FKBP1A: variants seen among roughly 807,000 people sequenced by gnomAD.
FKBP1A encodes the protein peptidyl-prolyl cis-trans isomerase FKBP1A.
Under a neutral mutation model 14.2 loss-of-function variants are expected in FKBP1A, and 5 were observed. The observed-to-expected ratio is 0.35, with a 90% CI of 0.18 to 0.74. The LOEUF is 0.74. Ranked by LOEUF, FKBP1A falls within the 30% of genes least tolerant of loss-of-function variation. The pLI, the probability that FKBP1A is intolerant of heterozygous loss-of-function variation, is 0.56. For synonymous variants in FKBP1A, 42 were observed against 49.1 expected (o/e 0.86, Z 0.60); for missense variants, 53 against 138.8 (o/e 0.38, Z 3.10).
chr20:1,391,507 A>T (rs2089735971), intron 2 of FKBP1A: 1 of 394,134 alleles, frequency 2.5e-6, no homozygotes, highest in African/African-American at 2.1e-5. Flanking sequence ...AGAATTTTTA[A>T]AGTTCTAGTC....
chr20:1,387,844 TA>T (rs1335033342), intron 2 of FKBP1A, among the ~76,000 whole-genome samples: 1 of 152,014 alleles, frequency 6.6e-6, no homozygotes, highest in Non-Finnish European at 1.5e-5. Flanking sequence ...TCTCAAAAAA[TA>T]AAAATAAAAT....
chr20:1,370,527 G>A, intron 4 of FKBP1A: 3 of 984,096 alleles, frequency 3.0e-6, no homozygotes, highest in Non-Finnish European at 3.6e-6. Context: ...ACTCTCATGT[G>A]CAGTCCAGAC....
chr20:1,377,206 T>C (rs1257095564), intron 2 of FKBP1A: 1 of 152,150 alleles, frequency 6.6e-6, no homozygotes, highest in Non-Finnish European at 1.5e-5. Context: ...GTGTCAACAT[T>C]TGTAAGTAGG....
rs991990932 is a variant in FKBP1A, at chr20:1,369,497, A to G, written c.*612T>C. 7.5e-5 allele frequency: 1 copy of G among 13,250 alleles called. No individual in the cohort carries two copies. Among genetic ancestry groups the G allele is most frequent in the Non-Finnish European group, 5.0e-4 (1 of 1,994 alleles). 0.8% of individuals were successfully genotyped at this position (13,250 alleles called of 1,614,324 possible). A position where few individuals can be genotyped will look rare whatever the true frequency, so the allele number is the denominator to read the frequency against. On this transcript the variant is annotated 3_prime_UTR_variant, in exon 5 of 5. Transcript: ENST00000400137. The stretch of plus-strand genomic sequence containing the variant: ...TCTACTTTCAAAGGCAGAGGGTTTA[A>G]GGGGAGGGTGGGTGGGAATGGTGGA...
intron 4 of FKBP1A, 47 bp from the exon 5 acceptor site, chr20:1,370,119 T>G: frequency 6.5e-7 from 1 of 1,538,996 alleles, no homozygotes. Context: ...TCAGTGTTCT[T>G]TGTGTGCAGT....
chr20:1,380,022 C>T (rs935636431), intron 2 of FKBP1A, among the ~76,000 whole-genome samples: 3 of 152,096 alleles, frequency 2.0e-5, no homozygotes, highest in Non-Finnish European at 4.4e-5. Flanking sequence ...TTTCTGGTCA[C>T]GGTGGAGGAC....
chr20:1,372,844 A>G (rs2089487021), intron 3 of FKBP1A, among the ~76,000 whole-genome samples: 2 of 152,270 alleles, frequency 1.3e-5, no homozygotes, highest in South Asian at 2.1e-4. Flanking sequence ...TTGGAAGGAC[A>G]TACCAGACAT....
intron 2 of FKBP1A, among the ~76,000 whole-genome samples, chr20:1,387,284 T>C (rs1407754990): frequency 2.0e-5 from 3 of 152,062 alleles, no homozygotes; most frequent in East Asian, 1.9e-4. Context: ...TGGCTGATAA[T>C]TGGACCAGAG....
chr20:1,384,066 G>A (rs756726918), intron 2 of FKBP1A, among the ~76,000 whole-genome samples: 64 of 152,106 alleles, frequency 4.2e-4, no homozygotes, highest in Non-Finnish European at 5.9e-4. Context: ...CACAGCCTTC[G>A]TACCCCAGCA....
At chr20:1,375,332 TAAC>T in intron 3 of FKBP1A, 156 bp downstream of exon 3, 2 of 625,750 alleles carry the variant, frequency 3.2e-6, no homozygotes, top group South Asian at 2.0e-5. Flanking sequence ...CAAGAAACAT[TAAC>T]AACAGGAGCT....
chr20:1,384,666 A>G (rs901514865), intron 2 of FKBP1A, among the ~76,000 whole-genome samples: 1 of 152,176 alleles, frequency 6.6e-6, no homozygotes, highest in Admixed American at 6.5e-5. Context: ...ATACAAATTC[A>G]AATCTTACAT....
chr20:1,369,950 C>T lies in FKBP1A; in HGVS notation c.*159G>A, dbSNP rs2089440284. On this transcript the variant is annotated 3_prime_UTR_variant, in exon 5 of 5. Transcript: ENST00000400137. The stretch of plus-strand genomic sequence containing the variant: ...GGAAACAGAGGTGTCGGAAGCAAAG[C>T]TGAGTGACAGAACACATTCAGTCAG... 5.4e-6 allele frequency: 8 copies of T among 1,467,954 alleles called. No homozygotes were observed. In the South Asian group the frequency reaches 6.5e-5, roughly 12 times the overall value. The allele number at this position is 1,467,954 out of a possible 1,614,324, so 90.9% of individuals were successfully genotyped here. A position where few individuals can be genotyped will look rare whatever the true frequency, so the allele number is the denominator to read the frequency against.
chr20:1,370,788 T>G, intron 4 of FKBP1A: 1 of 985,288 alleles, frequency 1.0e-6, no homozygotes, highest in Non-Finnish European at 1.2e-6. Context: ...GGAAAATAAT[T>G]CCAAGGCTCC....
chr20:1,392,945 C>A lies in FKBP1A; in HGVS notation c.37+17G>T. The A allele has an allele frequency of 6.7e-7, 1 of 1,486,868 alleles. No homozygotes were observed. Among genetic ancestry groups the A allele is most frequent in the South Asian group, 1.3e-5 (1 of 74,696 alleles). The allele number at this position is 1,486,868 out of a possible 1,614,324, so 92.1% of individuals were successfully genotyped here. On this transcript the variant is annotated intron_variant, in intron 1 of 4. Coordinates refer to ENST00000400137, the MANE Select transcript of FKBP1A (RefSeq NM_000801.5). ...CGGCGGCAGAGGTACTCCGAGCCGCCGCGCGCCACTACTCACCGTCTCCTG... is the reference window on the plus strand; with the variant it reads ...CGGCGGCAGAGGTACTCCGAGCCGCAGCGCGCCACTACTCACCGTCTCCTG...
intron 3 of FKBP1A, 36 bp from the exon 4 acceptor site, chr20:1,372,276 C>T (rs907061625): frequency 2.4e-5 from 38 of 1,607,910 alleles, no homozygotes; most frequent in Non-Finnish European, 3.1e-5. Context: ...CTCAGCTGGA[C>T]ACATGCCCCA....
chr20:1,375,723 T>C, intron 2 of FKBP1A, 120 bp from the exon 3 acceptor site: 1 of 741,864 alleles, frequency 1.3e-6, no homozygotes, highest in Non-Finnish European at 2.4e-6. Context: ...AACTGCAGTA[T>C]CTAGGGAGGG....
At position 1,390,892 on chromosome 20, in the gene FKBP1A, G is replaced by A. The variant is rs573732843; in HGVS notation, c.85+1942C>T. Among the ~76,000 whole-genome samples the A allele has an allele frequency of 6.9e-4, 105 of 152,304 alleles. 2 individuals carry two copies. The South Asian group carries it at 0.021, about 31-fold the overall frequency. On this transcript the variant is annotated intron_variant, in intron 2 of 4. Coordinates refer to ENST00000400137, the MANE Select transcript of FKBP1A (RefSeq NM_000801.5). ...AGCTTTTGTCCTAATGCATGCCAGG[G>A]TCCTGCTGCTGCTCTGGAAACATGT...
intron 4 of FKBP1A, chr20:1,370,656 G>A (rs751809554): frequency 2.6e-5 from 26 of 985,258 alleles, no homozygotes; most frequent in Non-Finnish European, 3.1e-5. Flanking sequence ...CCAGACTCTT[G>A]CAAGAAGCTG....
rs2089673089 is a variant in FKBP1A at position 1,386,778 on chromosome 20, A to G, written c.85+6056T>C. 1.3e-5 allele frequency among the ~76,000 whole-genome samples: 2 copies of G among 152,202 alleles called. No homozygotes were observed. The highest frequency in any genetic ancestry group is 3.9e-4 in the East Asian group (2 of 5,194). ...GGGAGAGGAAGAGCAAATGTAACAG[A>G]AAGAGACAGTAGCATCTAAGAACTG... On this transcript the variant is annotated intron_variant, in intron 2 of 4. Coordinates refer to ENST00000400137, the MANE Select transcript of FKBP1A (RefSeq NM_000801.5). The surrounding 1 kb of genome is among the most constrained non-coding windows in gnomAD (Gnocchi z 4.7).
Sources: gnomAD v4.1 joint callset for allele counts (sites outside exome capture counted in the v4.1 genomes callset) on GRCh38, gnomAD v4.1.1 for gene constraint, Gnocchi (gnomAD v3.1) non-coding constraint, MANE v1.5 for transcripts, NCBI Gene and HGNC (gene_info 2026-07-23, HGNC 2026-07-21) for gene names.